NUDT22: variants seen among roughly 807,000 people sequenced by gnomAD.
NUDT22 encodes uridine diphosphate glucose pyrophosphatase NUDT22.
In NUDT22, 23 loss-of-function variants were observed where a neutral mutation model predicts 28.8. The ratio of observed to expected loss-of-function variants is 0.80; its 90% CI spans 0.58 to 1.13. The LOEUF is 1.13. Among genes scored for constraint, NUDT22 ranks in the 50% most tolerant of loss-of-function variants. NUDT22 has a pLI of 0.00. For synonymous variants in NUDT22, 175 were observed against 173.7 expected, an observed-to-expected ratio of 1.01 and a Z score of -0.06; for missense variants, 358 against 387.3, an observed-to-expected ratio of 0.92 and a Z score of 0.64.
chr11:64,227,425 G>T, intron 2 of NUDT22, 143 bp from the exon 3 acceptor site: 1 of 762,476 alleles, frequency 1.3e-6, no homozygotes, highest in East Asian at 2.6e-5. Flanking sequence ...GTCTGTCAGG[G>T]AAAGGACACC....
chr11:64,226,363 G>A lies in NUDT22; in HGVS notation c.-83G>A. The A allele has an allele frequency of 1.6e-6, 2 of 1,259,040 alleles. No individual in the cohort carries two copies. The highest frequency in any genetic ancestry group is 2.0e-6 in the Non-Finnish European group (2 of 1,002,470). 78.0% of individuals were successfully genotyped at this position (1,259,040 alleles called of 1,614,324 possible). A position where few individuals can be genotyped will look rare whatever the true frequency, so the allele number is the denominator to read the frequency against. ...AGGGGTCCCCGCGCGCCCCGGGTCG[G>A]AGGCAGACCCCTGGGTTTGGGGGAC... On this transcript the variant is annotated 5_prime_UTR_variant, in exon 1 of 6. Transcript: ENST00000279206.
In NUDT22 at chr11:64,227,626, A is replaced by G. The variant is rs1947076004; in HGVS notation, c.539A>G (p.His180Arg). 3.1e-6 allele frequency: 5 copies of G among 1,614,128 alleles called. No homozygotes were observed. The East Asian group carries it at 8.9e-5, about 29-fold the overall frequency. ...GACCTCGCTGGGCAGCTGGTGGTACATGAACTCTTTTCCAGTGTCCTTCAG... is the reference window on the plus strand; with the variant it reads ...GACCTCGCTGGGCAGCTGGTGGTACGTGAACTCTTTTCCAGTGTCCTTCAG... ...HQDLAGQLVV[H>R]ELFSSVLQEI... is the part of the protein sequence containing the mutation. Residue 180 changes from histidine (H) to arginine (R), a missense_variant, in exon 3 of 6, where the codon CAT (histidine) becomes CGT (arginine). Coordinates refer to ENST00000279206, the MANE Select transcript of NUDT22 (RefSeq NM_032344.4).
chr11:64,227,423 G>C, intron 2 of NUDT22, 145 bp from the exon 3 acceptor site: 1 of 757,920 alleles, frequency 1.3e-6, no homozygotes, highest in African/African-American at 1.7e-5. Context: ...TTGTCTGTCA[G>C]GGAAAGGACA....
Position 64,226,882 on chromosome 11 carries a change from A to G in NUDT22, c.230A>G (p.Gln77Arg), listed in dbSNP as rs1947040221. ...TLAPIGSRGP[Q>R]LLLRLGLTSY... Reference sequence around the variant, plus strand: ...GCGCCTATTGGCTCTCGGGGGCCACAGCTGCTCCTGCGCCTGGGCCTTACT... The same window carrying G: ...GCGCCTATTGGCTCTCGGGGGCCACGGCTGCTCCTGCGCCTGGGCCTTACT... Residue 77 changes from glutamine to arginine, a missense_variant, in exon 2 of 6, where the codon CAG becomes CGG. Transcript: ENST00000279206. 6.2e-7 allele frequency: 1 copy of G among 1,604,546 alleles called. No homozygotes were observed. Among genetic ancestry groups the G allele is most frequent in the Non-Finnish European group, 8.5e-7 (1 of 1,179,894 alleles).
chr11:64,227,328 C>G (rs1591067132), intron 2 of NUDT22, 196 bp downstream of exon 2: 1 of 763,070 alleles, frequency 1.3e-6, no homozygotes, highest in African/African-American at 1.7e-5. Flanking sequence ...AACTAGAAAA[C>G]ACGGGAGGAA....
At chr11:64,229,166 C>T (rs976813718) in intron 3 of NUDT22, 81 bp from the exon 4 acceptor site, 6 of 902,780 alleles carry the variant, frequency 6.6e-6, no homozygotes, top group African/African-American at 3.3e-5. Context: ...AGGTAACAGG[C>T]GGTTTTTCAT....
chr11:64,228,069 C>CG (rs1444102325), intron 3 of NUDT22, among the ~76,000 whole-genome samples: 1 of 151,696 alleles, frequency 6.6e-6, no homozygotes, highest in Non-Finnish European at 1.5e-5. Context: ...GATGGGGTTT[C>CG]ACCTTGTTAG....
chr11:64,227,137 G>C lies in NUDT22; in HGVS notation c.480+5G>C. ...GGTGGGCACCCTGAGCCTCAGGTGA[G>C]ATTCCAGGCTGGGCACAAAGACCCA... On this transcript the variant is annotated splice_donor_5th_base_variant and intron_variant, in intron 2 of 5. Coordinates refer to ENST00000279206, the MANE Select transcript of NUDT22 (RefSeq NM_032344.4). 6.3e-7 allele frequency: 1 copy of C among 1,582,540 alleles called. No homozygotes were observed. Among genetic ancestry groups the C allele is most frequent in the Non-Finnish European group, 8.5e-7 (1 of 1,169,920 alleles).
intron 3 of NUDT22, 92 bp downstream of exon 3, chr11:64,227,758 G>A (rs1947080762): frequency 1.0e-6 from 1 of 997,806 alleles, no homozygotes; most frequent in South Asian, 1.3e-5. Flanking sequence ...CAGGAGGCCT[G>A]CAGGCATCTG....
Position 64,226,676 on chromosome 11 carries a change from G to T in NUDT22, c.24G>T (p.Leu8=), listed in dbSNP as rs1343329029. The change falls in exon 2 of 6, where the codon CTG becomes CTT. Residue 8 remains leucine (L), a synonymous_variant. Coordinates refer to ENST00000279206, the MANE Select transcript of NUDT22 (RefSeq NM_032344.4). MDPEVTL[L]LQCPGGGLPQ... ...CCATGGATCCTGAGGTGACCTTGCT[G>T]CTGCAGTGCCCTGGCGGGGGCCTGC... 1 of 1,604,252 alleles carries T rather than the reference G, an allele frequency of 6.2e-7. No individual in the cohort carries two copies. The highest frequency in any genetic ancestry group is 8.5e-7 in the Non-Finnish European group (1 of 1,175,904).
chr11:64,226,608 G>T, intron 1 of NUDT22, 27 bp from the exon 2 acceptor site: 1 of 1,526,046 alleles, frequency 6.6e-7, no homozygotes, highest in South Asian at 1.3e-5. Flanking sequence ...CCCCCTGGAT[G>T]ACAGGCCTGG....
Position 64,226,857 on chromosome 11 carries a change from G to C in NUDT22, c.205G>C (p.Ala69Pro). The C allele has an allele frequency of 6.2e-7, 1 of 1,607,272 alleles. No homozygotes were observed. Among genetic ancestry groups the C allele is most frequent in the South Asian group, 1.1e-5 (1 of 91,084 alleles). Residue 69 changes from alanine (A) to proline (P), a missense_variant, in exon 2 of 6, where the codon GCG becomes CCG. Transcript: ENST00000279206. ...GTTCCGCCTGCACTCAGCCACCCTGGCGCCTATTGGCTCTCGGGGGCCACA... is the reference window on the plus strand; with the variant it reads ...GTTCCGCCTGCACTCAGCCACCCTGCCGCCTATTGGCTCTCGGGGGCCACA... ...PKFRLHSATL[A>P]PIGSRGPQLL...
chr11:64,228,105 T>G (rs1246296936), intron 3 of NUDT22, among the ~76,000 whole-genome samples: 20 of 151,242 alleles, frequency 1.3e-4, no homozygotes, highest in Non-Finnish European at 2.9e-5. Context: ...TCTCCTGACC[T>G]CGTGATCTGC....
At chr11:64,226,568 C>CT (rs1266875150) in intron 1 of NUDT22, 67 bp from the exon 2 acceptor site, 5 of 1,504,926 alleles carry the variant, frequency 3.3e-6, no homozygotes, top group Non-Finnish European at 4.4e-6. Context: ...ACAGAGGGGG[C>CT]TAGCTGCGCA....
rs973659557 is a variant in NUDT22, at chr11:64,226,669, C to G, written c.17C>G (p.Thr6Ser). Reference sequence around the variant, plus strand: ...GTTCAGACCATGGATCCTGAGGTGACCTTGCTGCTGCAGTGCCCTGGCGGG... The same window carrying G: ...GTTCAGACCATGGATCCTGAGGTGAGCTTGCTGCTGCAGTGCCCTGGCGGG... MDPEVTLLLQCPGGGL... is the reference protein window; with the variant it reads MDPEVSLLLQCPGGGL... Residue 6 changes from threonine to serine, a missense_variant, in exon 2 of 6, where the codon ACC becomes AGC. Transcript: ENST00000279206. 3.1e-6 allele frequency: 5 copies of G among 1,600,796 alleles called. No homozygotes were observed. The highest frequency in any genetic ancestry group is 1.7e-5 in the Admixed American group (1 of 58,414).
At chr11:64,229,685 C>G (rs1410831175) in intron 5 of NUDT22, 114 bp downstream of exon 5, 1 of 1,349,156 alleles carries the variant, frequency 7.4e-7, no homozygotes, top group East Asian at 2.3e-5. Context: ...TCCAGAGTCA[C>G]AAGATTTGCC....
At position 64,226,313 on chromosome 11, in the gene NUDT22, AG is replaced by A. The variant is rs1217577826; in HGVS notation, c.-131del. 1 of 1,078,172 alleles carries A rather than the reference AG, an allele frequency of 9.3e-7. No individual in the cohort carries two copies. Among genetic ancestry groups the A allele is most frequent in the Non-Finnish European group, 1.2e-6 (1 of 854,154 alleles). 66.8% of individuals were successfully genotyped at this position (1,078,172 alleles called of 1,614,324 possible). ...CCGGCGGCTGGTGAGCGCCCGCTGG[AG>A]GCTGGAGCTTCCGGGCCCTGGAAAG... is the stretch of plus-strand genomic sequence containing the variant. On this transcript the variant is annotated 5_prime_UTR_variant, in exon 1 of 6. Coordinates refer to ENST00000279206, the MANE Select transcript of NUDT22 (RefSeq NM_032344.4).
At chr11:64,227,801 C>T in intron 3 of NUDT22, 135 bp downstream of exon 3, 1 of 661,308 alleles carries the variant, frequency 1.5e-6, no homozygotes. Flanking sequence ...GGCTTTGCAG[C>T]TATACATACT....
chr11:64,229,927 C>G lies in NUDT22; in HGVS notation c.849C>G (p.Asn283Lys), dbSNP rs1323647367. The G allele has an allele frequency of 6.2e-7, 1 of 1,613,346 alleles. No individual in the cohort carries two copies. Among genetic ancestry groups the G allele is most frequent in the Admixed American group, 1.7e-5 (1 of 60,034 alleles). Residue 283 changes from asparagine to lysine, a missense_variant, in exon 6 of 6, where the codon AAC becomes AAG. Coordinates refer to ENST00000279206, the MANE Select transcript of NUDT22 (RefSeq NM_032344.4). ...CCAAAGGCGCCATCATCCTCTACAA[C>G]CGGGTTCAGGGAAGTCCCACTGGAG... ...PSAKGAIILYNRVQGSPTGAA... is the reference protein window; with the variant it reads ...PSAKGAIILYKRVQGSPTGAA...
Sources: allele counts gnomAD v4.1 joint callset (sites outside exome capture counted in the v4.1 genomes callset), GRCh38; gene constraint gnomAD v4.1.1; transcripts MANE v1.5; gene names NCBI Gene and HGNC (gene_info 2026-07-23, HGNC 2026-07-21).